POC5: variants seen among roughly 807,000 people sequenced by gnomAD.
The protein encoded by POC5 is POC5 centriolar protein.
In POC5, 48 loss-of-function variants were observed where a neutral mutation model predicts 62.9. The ratio of observed to expected loss-of-function variants is 0.76; its 90% CI spans 0.61 to 0.97. The LOEUF is 0.97. POC5 is among the 50% of genes least tolerant of loss of function. POC5 has a pLI of 0.00. For missense variants in POC5, 696 were observed against 679.5 expected, an observed-to-expected ratio of 1.02 and a Z score of -0.27; for synonymous variants, 236 against 228.2, an observed-to-expected ratio of 1.03 and a Z score of -0.31.
Position 75,705,802 on chromosome 5 carries a change from G to A in POC5, c.224-15C>T. On this transcript the variant is annotated splice_polypyrimidine_tract_variant and intron_variant, in intron 3 of 11. Transcript: ENST00000428202. The stretch of plus-strand genomic sequence containing the variant: ...AGAGTTATTTCCTGCCAAAAAGAAA[G>A]CTTTTTAAAATTAAACTGAACCACT... The A allele has an allele frequency of 1.3e-6, 2 of 1,500,414 alleles. No homozygotes were observed. The highest frequency in any genetic ancestry group is 2.5e-5 in the East Asian group (1 of 40,614). 92.9% of individuals were successfully genotyped at this position (1,500,414 alleles called of 1,614,324 possible).
In POC5 at chr5:75,692,406, G is replaced by A. The variant is rs756053364; in HGVS notation, c.785C>T (p.Ala262Val). The A allele has an allele frequency of 6.3e-7, 1 of 1,587,808 alleles. No homozygotes were observed. Among genetic ancestry groups the A allele is most frequent in the South Asian group, 1.1e-5 (1 of 87,972 alleles). ...TGCTTTGACACTTACATCCTGTCTG[G>A]CTCTGACATGGCCGATTCGCCAGTG... is the stretch of plus-strand genomic sequence containing the variant. ...FFHWRIGHVR[A>V]RQDVYEGKLA... The change falls in exon 7 of 12, where the codon GCC (alanine) becomes GTC (valine). Residue 262 changes from alanine (A) to valine (V), a missense_variant. Physicochemically the swap from Ala to Val is moderately conservative, Grantham distance 64 (BLOSUM62 0). Coordinates refer to ENST00000428202, the MANE Select transcript of POC5 (RefSeq NM_001099271.2).
Position 75,688,861 on chromosome 5 carries a change from G to A in POC5, c.1129+151C>T, listed in dbSNP as rs1776200977. The A allele has an allele frequency of 4.0e-6, 3 of 751,982 alleles. No homozygotes were observed. In the African/African-American group the frequency reaches 5.4e-5, roughly 14 times the overall value. The allele number at this position is 751,982 out of a possible 1,614,324, so 46.6% of individuals were successfully genotyped here. A position where few individuals can be genotyped will look rare whatever the true frequency, so the allele number is the denominator to read the frequency against. On this transcript the variant is annotated intron_variant, in intron 9 of 11. Coordinates refer to ENST00000428202, the MANE Select transcript of POC5 (RefSeq NM_001099271.2). ...GAGCTCATTTTCATGGCAGATTTAA[G>A]TCTGGATATGACACCATAGAATTAA...
chr5:75,713,887 G>A (rs1050509237), intron 1 of POC5, among the ~76,000 whole-genome samples: 15 of 152,312 alleles, frequency 9.8e-5, no homozygotes, highest in African/African-American at 3.6e-4. Flanking sequence ...ACAGCAAGCA[G>A]TTTGGTAAGG....
intron 5 of POC5, among the ~76,000 whole-genome samples, chr5:75,697,373 C>T (rs929090155): frequency 1.3e-5 from 2 of 149,362 alleles, no homozygotes; most frequent in African/African-American, 4.9e-5. Context: ...AGAAACTCTA[C>T]AAGCCAGAAG....
At position 75,685,433 on chromosome 5, in the gene POC5, C is replaced by G. The variant is rs1372189190; in HGVS notation, c.1181G>C (p.Gly394Ala). ...KKEEYGPGVQ[G>A]KEHSAHLDPS... is the part of the protein sequence containing the mutation. Reference sequence around the variant, plus strand: ...ATCCAAATGAGCAGAATGTTCTTTTCCTTGAACACCAGGACCATACTCTTC... The same window carrying G: ...ATCCAAATGAGCAGAATGTTCTTTTGCTTGAACACCAGGACCATACTCTTC... Residue 394 changes from glycine to alanine, a missense_variant, in exon 10 of 12, where the codon GGA becomes GCA. Coordinates refer to ENST00000428202, the MANE Select transcript of POC5 (RefSeq NM_001099271.2). The G allele has an allele frequency of 1.5e-5, 24 of 1,613,624 alleles. No homozygotes were observed. Among genetic ancestry groups the G allele is most frequent in the Non-Finnish European group, 2.0e-5 (24 of 1,179,628 alleles).
At chr5:75,714,788 T>C (rs1777482622) in intron 1 of POC5, among the ~76,000 whole-genome samples, 3 of 152,138 alleles carry the variant, frequency 2.0e-5, no homozygotes, top group Admixed American at 6.5e-5. Flanking sequence ...CGTAGTGCGC[T>C]ACTCCAAGAA....
chr5:75,684,169 G>A (rs557308015), intron 10 of POC5, among the ~76,000 whole-genome samples: 370 of 152,160 alleles, frequency 2.4e-3, no homozygotes, highest in Middle Eastern at 3.4e-3. Flanking sequence ...ATTAAAACTC[G>A]ATCAAGATGG....
chr5:75,710,073 T>TA (rs1030002611), intron 2 of POC5, among the ~76,000 whole-genome samples: 2 of 152,176 alleles, frequency 1.3e-5, no homozygotes, highest in Non-Finnish European at 2.9e-5. Context: ...CTAGTGGTAG[T>TA]ACACTGTCAG....
At chr5:75,695,599 T>A (rs1240282168) in intron 5 of POC5, among the ~76,000 whole-genome samples, 4 of 152,138 alleles carry the variant, frequency 2.6e-5, no homozygotes, top group Non-Finnish European at 5.9e-5. Flanking sequence ...ATATGCAACT[T>A]AGTTTTCTCA....
chr5:75,704,847 T>C (rs1777053028), intron 4 of POC5, among the ~76,000 whole-genome samples: 2 of 152,206 alleles, frequency 1.3e-5, no homozygotes, highest in Non-Finnish European at 2.9e-5. Flanking sequence ...TATTACATTT[T>C]AATTAATTAT....
At chr5:75,684,193 C>G (rs1321645417) in intron 10 of POC5, among the ~76,000 whole-genome samples, 2 of 152,044 alleles carry the variant, frequency 1.3e-5, no homozygotes, top group Admixed American at 6.6e-5. Flanking sequence ...TACTACAGAG[C>G]AGTGTTAGTG....
intron 9 of POC5, among the ~76,000 whole-genome samples, chr5:75,687,185 C>T (rs902829958): frequency 1.3e-5 from 2 of 152,034 alleles, no homozygotes; most frequent in Admixed American, 1.3e-4. Context: ...TGCCTGCCAC[C>T]ACGCCCGGCT....
chr5:75,674,620 T>C (rs765536940), intron 11 of POC5, 42 bp from the exon 12 acceptor site: 1 of 1,579,342 alleles, frequency 6.3e-7, no homozygotes, highest in Non-Finnish European at 8.7e-7. Context: ...CCCAAGATTA[T>C]GTATACTATG....
intron 5 of POC5, chr5:75,696,077 C>T (rs989525382): frequency 1.9e-5 from 3 of 154,164 alleles, no homozygotes; most frequent in East Asian, 3.8e-4. Context: ...CACGAAGTCT[C>T]ACTGATTACT....
intron 2 of POC5, among the ~76,000 whole-genome samples, chr5:75,709,975 A>G (rs772946710): frequency 6.6e-6 from 1 of 152,210 alleles, no homozygotes; most frequent in Non-Finnish European, 1.5e-5. Flanking sequence ...GACCTGGTCT[A>G]TGGGATTCAA....
At chr5:75,683,721 T>A (rs1775961107) in intron 10 of POC5, among the ~76,000 whole-genome samples, 1 of 150,624 alleles carries the variant, frequency 6.6e-6, no homozygotes, top group Non-Finnish European at 1.5e-5. Flanking sequence ...AAAAAAAAAT[T>A]AGAGACAGGG....
intron 3 of POC5, 174 bp downstream of exon 3, chr5:75,707,563 C>A: frequency 2.0e-6 from 1 of 489,628 alleles, no homozygotes; most frequent in Non-Finnish European, 3.6e-6. Flanking sequence ...AGCTGTCACA[C>A]GAGAGTCAGG....
chr5:75,711,318 G>C (rs975961357), intron 2 of POC5, among the ~76,000 whole-genome samples: 19 of 150,352 alleles, frequency 1.3e-4, no homozygotes, highest in African/African-American at 4.7e-4. Context: ...CTGAAATATA[G>C]CTCCACCCAT....
At chr5:75,701,404 G>T (rs1232420390) in intron 5 of POC5, among the ~76,000 whole-genome samples, 5 of 132,440 alleles carry the variant, frequency 3.8e-5, no homozygotes, top group Admixed American at 7.8e-5. Context: ...AAAATGATGA[G>T]TTCATGTCCT....
Sources: gnomAD v4.1 joint callset for allele counts (sites outside exome capture counted in the v4.1 genomes callset) on GRCh38, gnomAD v4.1.1 for gene constraint, MANE v1.5 for transcripts, NCBI Gene and HGNC (gene_info 2026-07-23, HGNC 2026-07-21) for gene names.